The following GPALPP1 variants were observed in gnomAD, a reference collection of about 807,000 sequenced individuals.
GPALPP1 encodes the protein GPALPP motifs-containing protein 1.
In GPALPP1, 30 loss-of-function variants were observed where a neutral mutation model predicts 38.9. That is an observed-to-expected ratio of 0.77 (90% CI 0.58 to 1.05). The LOEUF is 1.05. GPALPP1 is among the 50% of genes least tolerant of loss of function. The pLI is 0.00. For synonymous variants in GPALPP1, 120 were observed against 139.2 expected, an observed-to-expected ratio of 0.86 and a Z score of 0.97; for missense variants, 384 against 408.8, an observed-to-expected ratio of 0.94 and a Z score of 0.52.
Position 44,989,628 on chromosome 13 carries a change from A to T in GPALPP1, c.-27A>T, listed in dbSNP as rs376021756. 38 of 1,595,706 alleles carry T rather than the reference A, an allele frequency of 2.4e-5. No individual in the cohort carries two copies. Among genetic ancestry groups the T allele is most frequent in the Middle Eastern group, 3.3e-4 (2 of 6,054 alleles). Reference sequence around the variant, plus strand: ...GGTTGACGTTCGTGGATAGACTCATATCTGTGACCAGTGTCCGCCACCGCG... The same window carrying T: ...GGTTGACGTTCGTGGATAGACTCATTTCTGTGACCAGTGTCCGCCACCGCG... On this transcript the variant is annotated 5_prime_UTR_variant, in exon 1 of 8. Transcript: ENST00000379151.
intron 6 of GPALPP1, among the ~76,000 whole-genome samples, chr13:45,015,911 A>G (rs545275059): frequency 6.6e-6 from 1 of 152,278 alleles, no homozygotes; most frequent in East Asian, 1.9e-4. Flanking sequence ...AAAGCTAGTA[A>G]GTGATGAAAA....
rs1460661599 is a variant in GPALPP1 at position 45,030,106 on chromosome 13, G to C, written c.*2103G>C. On this transcript the variant is annotated 3_prime_UTR_variant, in exon 8 of 8. Transcript: ENST00000379151. The stretch of plus-strand genomic sequence containing the variant: ...AATTTACGGGGGTCATATCAGTCAT[G>C]AATAGCCTTTTTTAAAAATTTAATA... 1 of 152,076 alleles carries C rather than the reference G, an allele frequency of 6.6e-6. No homozygotes were observed. Among genetic ancestry groups the C allele is most frequent in the African/African-American group, 2.4e-5 (1 of 41,396 alleles). The allele number at this position is 152,076 out of a possible 1,614,324, so 9.4% of individuals were successfully genotyped here. A position where few individuals can be genotyped will look rare whatever the true frequency, so the allele number is the denominator to read the frequency against.
intron 6 of GPALPP1, among the ~76,000 whole-genome samples, chr13:45,019,018 C>CATATAT (rs765310502): frequency 2.7e-3 from 30 of 11,282 alleles, no homozygotes; most frequent in East Asian, 0.014. Context: ...AATATATATA[C>CATATAT]ACATATAAAT....
chr13:45,034,805 C>G (rs1265087523), downstream of GPALPP1: 1 of 147,040 alleles, frequency 6.8e-6, no homozygotes, highest in Non-Finnish European at 1.5e-5. Context: ...GGCGCAATCT[C>G]GGCTCACTGC....
chr13:44,990,189 C>T (rs1365983701), intron 1 of GPALPP1: 4 of 385,010 alleles, frequency 1.0e-5, no homozygotes, highest in Non-Finnish European at 1.8e-5. Context: ...ATTACAAGAA[C>T]CTTGCAGATC....
chr13:45,028,009 T>A lies in GPALPP1; in HGVS notation c.*6T>A. The A allele has an allele frequency of 1.4e-6, 2 of 1,419,934 alleles. No individual in the cohort carries two copies. The highest frequency in any genetic ancestry group is 1.2e-5 in the South Asian group (1 of 86,284). 88.0% of individuals were successfully genotyped at this position (1,419,934 alleles called of 1,614,324 possible). On this transcript the variant is annotated 3_prime_UTR_variant, in exon 8 of 8. Coordinates refer to ENST00000379151, the MANE Select transcript of GPALPP1 (RefSeq NM_018559.5). Reference sequence around the variant, plus strand: ...AAGGCAATATGTTTTTATAAGTAAGTATATTTCAGTGAGGTATATTTTAAT... The same window carrying A: ...AAGGCAATATGTTTTTATAAGTAAGAATATTTCAGTGAGGTATATTTTAAT...
chr13:44,995,606 C>T (rs557667112), intron 1 of GPALPP1, among the ~76,000 whole-genome samples: 10 of 152,308 alleles, frequency 6.6e-5, no homozygotes, highest in African/African-American at 2.2e-4. Context: ...CCCTAAGTCC[C>T]TGGGACTGTC....
chr13:45,032,910 G>A (rs1027301735), downstream of GPALPP1, among the ~76,000 whole-genome samples: 11 of 151,300 alleles, frequency 7.3e-5, no homozygotes, highest in South Asian at 6.3e-4. Context: ...GGCGGTGTGC[G>A]CCTGTAGTCC....
intron 1 of GPALPP1, among the ~76,000 whole-genome samples, chr13:44,995,100 C>T (rs184115374): frequency 3.4e-4 from 51 of 151,764 alleles, no homozygotes; most frequent in African/African-American, 1.2e-3. Context: ...GATCCTCTCG[C>T]TTTGGCCTCC....
intron 6 of GPALPP1, 53 bp from the exon 7 acceptor site, chr13:45,020,277 G>T: frequency 2.7e-6 from 2 of 729,138 alleles, no homozygotes; most frequent in Non-Finnish European, 2.4e-6. Context: ...TTTATTTTTT[G>T]TTTTATCTTA....
chr13:44,997,180 A>G (rs1445634336), intron 1 of GPALPP1, among the ~76,000 whole-genome samples: 2 of 151,812 alleles, frequency 1.3e-5, no homozygotes, highest in Non-Finnish European at 2.9e-5. Context: ...ATTACCTTCA[A>G]GTGAAGATTC....
chr13:44,991,564 C>T, intron 1 of GPALPP1, among the ~76,000 whole-genome samples: 1 of 152,208 alleles, frequency 6.6e-6, no homozygotes, highest in Non-Finnish European at 1.5e-5. Flanking sequence ...GCTATAATTC[C>T]ATTCCCTTCA....
downstream of GPALPP1, chr13:45,031,251 T>C (rs1876183197): frequency 6.6e-6 from 1 of 152,194 alleles, no homozygotes; most frequent in South Asian, 2.1e-4. Flanking sequence ...ACCTTTTGAC[T>C]AAAAATGTCA....
exon 8 of GPALPP1, chr13:45,036,966 AAAAG>A (rs1421778652): frequency 3.9e-5 from 6 of 152,218 alleles, no homozygotes; most frequent in South Asian, 2.1e-4. Flanking sequence ...AAAAGAGAAA[AAAAG>A]AAAGCAATAA....
chr13:45,023,028 G>C (rs1277293294), intron 7 of GPALPP1, among the ~76,000 whole-genome samples: 1 of 151,242 alleles, frequency 6.6e-6, no homozygotes, highest in Non-Finnish European at 1.5e-5. Context: ...GGTCTACACA[G>C]AGCAAGACCT....
At chr13:45,004,844 T>TG (rs1325716777) in intron 2 of GPALPP1, among the ~76,000 whole-genome samples, 1 of 151,800 alleles carries the variant, frequency 6.6e-6, no homozygotes, top group Non-Finnish European at 1.5e-5. Flanking sequence ...TTTGTAGAGA[T>TG]GGGGTTTCAT....
chr13:45,036,429 A>G (rs1220531083), exon 8 of GPALPP1: 1 of 152,252 alleles, frequency 6.6e-6, no homozygotes, highest in Non-Finnish European at 1.5e-5. Context: ...AGGGAGCACA[A>G]AAAGGGAGCA....
chr13:45,021,788 T>C (rs1484027634), intron 7 of GPALPP1, among the ~76,000 whole-genome samples: 1 of 152,184 alleles, frequency 6.6e-6, no homozygotes, highest in African/African-American at 2.4e-5. Context: ...AAGCGGTATT[T>C]AGAGGGAAAA....
At chr13:45,005,823 G>A (rs1177199210) in intron 2 of GPALPP1, among the ~76,000 whole-genome samples, 2 of 151,958 alleles carry the variant, frequency 1.3e-5, no homozygotes, top group Non-Finnish European at 1.5e-5. Flanking sequence ...TCAGGAGTTC[G>A]AGACCAGCCT....
Sources: allele counts gnomAD v4.1 joint callset (sites outside exome capture counted in the v4.1 genomes callset), GRCh38; gene constraint gnomAD v4.1.1; transcripts MANE v1.5; gene names NCBI Gene and HGNC (gene_info 2026-07-23, HGNC 2026-07-21).